Variants in C1GALT1 observed in about 807,000 individuals in gnomAD.
C1GALT1 encodes glycoprotein-N-acetylgalactosamine 3-beta-galactosyltransferase 1.
In C1GALT1, 11 loss-of-function variants were observed where a neutral mutation model predicts 31.0. The ratio of observed to expected loss-of-function variants is 0.36; its 90% CI spans 0.22 to 0.59. C1GALT1 has a LOEUF of 0.59. C1GALT1 is among the 20% of genes least tolerant of loss of function. The pLI is 0.79. For missense variants in C1GALT1, 424 were observed against 425.2 expected (o/e 1.00, Z 0.03); for synonymous variants, 175 against 143.6 (o/e 1.22, Z -1.56).
intron 1 of C1GALT1, among the ~76,000 whole-genome samples, chr7:7,217,183 G>A (rs1207644465): frequency 6.6e-6 from 1 of 152,178 alleles, no homozygotes; most frequent in Non-Finnish European, 1.5e-5. Flanking sequence ...CAGGGTTCTT[G>A]GTACTCATGC....
intron 1 of C1GALT1, among the ~76,000 whole-genome samples, chr7:7,209,967 G>A (rs981807008): frequency 6.6e-6 from 1 of 152,154 alleles, no homozygotes; most frequent in Non-Finnish European, 1.5e-5. Context: ...AAGGTGCTCA[G>A]TGGGGGAGCT....
At chr7:7,236,973 T>C (rs1211736271) in intron 2 of C1GALT1, among the ~76,000 whole-genome samples, 4 of 152,206 alleles carry the variant, frequency 2.6e-5, no homozygotes, top group Non-Finnish European at 5.9e-5. Flanking sequence ...AAGCATATGC[T>C]TCGTCAGGAT....
intron 3 of C1GALT1, 105 bp from the exon 4 acceptor site, chr7:7,243,419 A>AATGTTTGTATT: frequency 1.1e-6 from 1 of 930,036 alleles, no homozygotes; most frequent in Non-Finnish European, 1.6e-6. Flanking sequence ...TGCCATCTTT[A>AATGTTTGTATT]ATGTTTGTAT....
upstream of C1GALT1, among the ~76,000 whole-genome samples, chr7:7,181,794 T>G (rs1291456522): frequency 2.6e-5 from 4 of 152,106 alleles, no homozygotes; most frequent in Admixed American, 6.5e-5. Context: ...TTGTAGATAA[T>G]GGTTAACGCC....
upstream of C1GALT1, among the ~76,000 whole-genome samples, chr7:7,177,586 A>C (rs1180140202): frequency 1.3e-5 from 2 of 152,212 alleles, no homozygotes; most frequent in Non-Finnish European, 2.9e-5. Context: ...AAGAGTAATA[A>C]ATTTTCAACA....
At position 7,182,776 on chromosome 7, in the gene C1GALT1, C is replaced by T; in HGVS notation, c.-62C>T. ...GTCACCAGTCCCAAGTCGTCCCCCT[C>T]TCCGCCCCCCAGGAGGGGCGAGAGG... On this transcript the variant is annotated 5_prime_UTR_variant, in exon 1 of 4. Coordinates refer to ENST00000436587, the MANE Select transcript of C1GALT1 (RefSeq NM_020156.5). The T allele has an allele frequency of 2.0e-6, 2 of 985,128 alleles. No individual in the cohort carries two copies. Among genetic ancestry groups the T allele is most frequent in the East Asian group, 1.1e-4 (1 of 8,822 alleles). 61.0% of individuals were successfully genotyped at this position (985,128 alleles called of 1,614,324 possible).
chr7:7,172,250 C>G (rs945392687), intron 2 of C1GALT1, among the ~76,000 whole-genome samples: 1 of 152,130 alleles, frequency 6.6e-6, no homozygotes, highest in African/African-American at 2.4e-5. Flanking sequence ...TTTTCTTTCA[C>G]CCACTTAAAT....
chr7:7,217,438 T>A (rs1451736113), intron 1 of C1GALT1, among the ~76,000 whole-genome samples: 1 of 151,932 alleles, frequency 6.6e-6, no homozygotes, highest in Non-Finnish European at 1.5e-5. Flanking sequence ...TCACAAGTGA[T>A]CCTCCTGCCT....
chr7:7,163,405 C>T (rs1780359315), intron 2 of C1GALT1, among the ~76,000 whole-genome samples: 1 of 152,096 alleles, frequency 6.6e-6, no homozygotes, highest in South Asian at 2.1e-4. Flanking sequence ...AAAACTGGCA[C>T]AAGACAGGGA....
At chr7:7,202,303 G>T (rs1781559748) in intron 1 of C1GALT1, among the ~76,000 whole-genome samples, 1 of 152,176 alleles carries the variant, frequency 6.6e-6, no homozygotes, top group East Asian at 1.9e-4. Flanking sequence ...AGTTCACGGT[G>T]TGAGTCTCCA....
At chr7:7,165,919 G>T (rs1780386813) in intron 2 of C1GALT1, among the ~76,000 whole-genome samples, 2 of 152,086 alleles carry the variant, frequency 1.3e-5, no homozygotes, top group South Asian at 4.1e-4. Context: ...ATGTGTATAA[G>T]GTGCATATGA....
chr7:7,201,457 C>G (rs912522675), intron 1 of C1GALT1, among the ~76,000 whole-genome samples: 14 of 152,142 alleles, frequency 9.2e-5, no homozygotes, highest in African/African-American at 3.4e-4. Context: ...GGTCAGGGCC[C>G]CACTTGAGGA....
intron 1 of C1GALT1, among the ~76,000 whole-genome samples, chr7:7,212,898 G>T (rs112804522): frequency 0.034 from 5,187 of 152,230 alleles, 178 homozygotes; most frequent in African/African-American, 0.095. Flanking sequence ...CTTGACCATG[G>T]TGCAGCCAGC....
At chr7:7,170,252 TTCTC>T (rs1399545924) in intron 2 of C1GALT1, among the ~76,000 whole-genome samples, 3 of 152,188 alleles carry the variant, frequency 2.0e-5, no homozygotes, top group Admixed American at 1.3e-4. Context: ...GTTTTACTGA[TTCTC>T]TCTATTGTTT....
At chr7:7,234,069 T>G (rs1783217854) in intron 1 of C1GALT1, among the ~76,000 whole-genome samples, 1 of 152,186 alleles carries the variant, frequency 6.6e-6, no homozygotes, top group South Asian at 2.1e-4. Context: ...TGTGCAATAC[T>G]GACATACTCA....
intron 1 of C1GALT1, among the ~76,000 whole-genome samples, chr7:7,227,495 C>T (rs535982345): frequency 9.2e-5 from 14 of 152,048 alleles, no homozygotes; most frequent in Admixed American, 3.9e-4. Flanking sequence ...CCGAGGCGGG[C>T]GGATCACGAG....
At chr7:7,242,353 C>T (rs1241616672) in intron 3 of C1GALT1, among the ~76,000 whole-genome samples, 2 of 151,668 alleles carry the variant, frequency 1.3e-5, no homozygotes, top group African/African-American at 4.8e-5. Context: ...CCTAAAGGTG[C>T]AAGAGTAGGT....
chr7:7,233,271 C>T (rs907136971), intron 1 of C1GALT1, among the ~76,000 whole-genome samples: 1 of 148,962 alleles, frequency 6.7e-6, no homozygotes, highest in East Asian at 2.0e-4. Flanking sequence ...CAAACTTTTT[C>T]TTTTTTTTTT....
At chr7:7,232,818 T>TAC (rs1783151092) in intron 1 of C1GALT1, among the ~76,000 whole-genome samples, 1 of 152,180 alleles carries the variant, frequency 6.6e-6, no homozygotes, top group Admixed American at 6.5e-5. Context: ...CACACAGACC[T>TAC]ACATTCAAAC....
Sources: allele counts gnomAD v4.1 joint callset (sites outside exome capture counted in the v4.1 genomes callset), GRCh38; gene constraint gnomAD v4.1.1; transcripts MANE v1.5; gene names NCBI Gene and HGNC (gene_info 2026-07-23, HGNC 2026-07-21).